The following MYO15A variants were observed in gnomAD, a reference collection of about 807,000 sequenced individuals.
MYO15A encodes unconventional myosin-XV.
MYO15A carries 308 observed loss-of-function variants against 394.6 expected under a neutral mutation model. That is an observed-to-expected ratio of 0.78 (90% CI 0.71 to 0.86). MYO15A has a LOEUF of 0.86. Ranked by LOEUF, MYO15A falls within the 40% of genes least tolerant of loss-of-function variation. The pLI, the probability that MYO15A is intolerant of heterozygous loss-of-function variation, is 0.00. For missense variants in MYO15A, 4,606 were observed against 4,799.1 expected (o/e 0.96, Z 1.19); for synonymous variants, 1,957 against 2,003.8 (o/e 0.98, Z 0.62).
At chr17:18,128,117 C>T (rs924522220) in intron 7 of MYO15A, among the ~76,000 whole-genome samples, 1 of 151,988 alleles carries the variant, frequency 6.6e-6, no homozygotes, top group African/African-American at 2.4e-5. Context: ...CAGCAACCTA[C>T]AGAGAAGACA....
At chr17:18,154,007 A>G in intron 43 of MYO15A, 111 bp downstream of exon 43, 1 of 1,603,464 alleles carries the variant, frequency 6.2e-7, no homozygotes, top group Non-Finnish European at 8.5e-7. Context: ...GGACAGAAAA[A>G]GGCCGGGCTG....
intron 63 of MYO15A, 144 bp from the exon 64 acceptor site, chr17:18,172,013 G>T: frequency 7.0e-7 from 1 of 1,423,064 alleles, no homozygotes. Context: ...CATGAGAAGG[G>T]AGGCCAGAGA....
At chr17:18,112,892 G>C (rs2045739477) in intron 1 of MYO15A, among the ~76,000 whole-genome samples, 1 of 151,440 alleles carries the variant, frequency 6.6e-6, no homozygotes, top group African/African-American at 2.4e-5. Context: ...CTGTCACCTG[G>C]ACCGGAGTGC....
intron 57 of MYO15A, 50 bp downstream of exon 57, chr17:18,161,497 G>A (rs1033971108): frequency 7.5e-6 from 12 of 1,607,908 alleles, no homozygotes; most frequent in African/African-American, 1.3e-5. Flanking sequence ...CTCCCTTGGG[G>A]ACTGGGTGGA....
At chr17:18,138,789 C>G in intron 17 of MYO15A, 22 bp from the exon 18 acceptor site, 1 of 1,613,152 alleles carries the variant, frequency 6.2e-7, no homozygotes, top group Non-Finnish European at 8.5e-7. Context: ...TGCCCACCCA[C>G]TGATCCCTAA....
In MYO15A at chr17:18,118,569, A is replaced by C; in HGVS notation, c.-219-13A>C. On this transcript the variant is annotated splice_polypyrimidine_tract_variant and intron_variant, in intron 1 of 65. Transcript: ENST00000647165. ...GGTAAACAACACCCACACACTTTCTACTACTGCTCTAGGGTGAAACCCAAG... is the reference window on the plus strand; with the variant it reads ...GGTAAACAACACCCACACACTTTCTCCTACTGCTCTAGGGTGAAACCCAAG... 1 of 600,116 alleles carries C rather than the reference A, an allele frequency of 1.7e-6. No individual in the cohort carries two copies. The allele number at this position is 600,116 out of a possible 1,614,324, so 37.2% of individuals were successfully genotyped here.
intron 60 of MYO15A, among the ~76,000 whole-genome samples, chr17:18,165,888 T>A (rs553339495): frequency 3.7e-4 from 57 of 152,250 alleles, no homozygotes; most frequent in African/African-American, 1.3e-3. Context: ...CACCCCCACC[T>A]ATGCCAGGTA....
chr17:18,169,100 C>T (rs1231223489), intron 62 of MYO15A, among the ~76,000 whole-genome samples: 1 of 140,232 alleles, frequency 7.1e-6, no homozygotes, highest in African/African-American at 2.7e-5. Context: ...GTGACAAGAG[C>T]GAAACTCCAT....
At chr17:18,169,141 AT>A (rs2046901312) in intron 62 of MYO15A, among the ~76,000 whole-genome samples, 2 of 137,954 alleles carry the variant, frequency 1.4e-5, no homozygotes, top group Non-Finnish European at 3.1e-5. Flanking sequence ...AATAATAATA[AT>A]AATAATAATA....
intron 62 of MYO15A, among the ~76,000 whole-genome samples, chr17:18,170,983 G>A (rs2046932381): frequency 6.6e-6 from 1 of 152,224 alleles, no homozygotes; most frequent in Non-Finnish European, 1.5e-5. Flanking sequence ...TGTTACCCAG[G>A]GGATCTCTTG....
In MYO15A at chr17:18,173,887, C is replaced by T. The variant is rs876657525; in HGVS notation, c.10457C>T (p.Ala3486Val). Residue 3486 changes from alanine (A) to valine (V), a missense_variant, in exon 65 of 66, where the codon GCG becomes GTG. Around this residue, in one of 2 missense-constraint regions of MYO15A, gnomAD observed 2,776 missense variants for 3,109.3 expected, o/e 0.89. Coordinates refer to ENST00000647165, the MANE Select transcript of MYO15A (RefSeq NM_016239.4). The part of the protein sequence containing the change: ...PYVEIALGDV[A>V]AQRTLQLQLE... ...GTGGAGATTGCGCTGGGGGACGTGGCGGCCCAGCGCACCTTGCAGCTGCAG... is the reference window on the plus strand; with the variant it reads ...GTGGAGATTGCGCTGGGGGACGTGGTGGCCCAGCGCACCTTGCAGCTGCAG... 1.1e-5 allele frequency: 17 copies of T among 1,613,388 alleles called. No homozygotes were observed. The Admixed American group carries it at 1.2e-4, about 11-fold the overall frequency.
chr17:18,144,652 A>C, intron 29 of MYO15A, 60 bp downstream of exon 29: 1 of 1,541,186 alleles, frequency 6.5e-7, no homozygotes, highest in Non-Finnish European at 8.9e-7. Context: ...AAACTGGGCC[A>C]TGAGGCTCCC....
At chr17:18,172,690 G>C (rs1289657676) in intron 64 of MYO15A, 1 of 351,834 alleles carries the variant, frequency 2.8e-6, no homozygotes, top group East Asian at 7.5e-5. Flanking sequence ...GCAGACAGCT[G>C]TCCTCACTGT....
chr17:18,146,999 G>A (rs556774172), intron 30 of MYO15A, among the ~76,000 whole-genome samples: 127 of 152,124 alleles, frequency 8.3e-4, no homozygotes, highest in Non-Finnish European at 1.4e-3. Context: ...ATAAACACAC[G>A]TAAAGTGCTT....
intron 1 of MYO15A, among the ~76,000 whole-genome samples, chr17:18,113,892 C>T (rs1373318328): frequency 6.6e-6 from 1 of 151,666 alleles, no homozygotes; most frequent in African/African-American, 2.4e-5. Context: ...GGCTGATCTG[C>T]AGCCTGCTTC....
At chr17:18,151,317 G>T in intron 39 of MYO15A, 27 bp downstream of exon 39, 1 of 1,614,172 alleles carries the variant, frequency 6.2e-7, no homozygotes, top group Non-Finnish European at 8.5e-7. Flanking sequence ...AGCCTCTGGG[G>T]CTTCCCAGGA....
chr17:18,157,875 C>A lies in MYO15A; in HGVS notation c.8942C>A (p.Ala2981Glu), dbSNP rs749546407. 1 of 1,516,270 alleles carries A rather than the reference C, an allele frequency of 6.6e-7. No homozygotes were observed. The highest frequency in any genetic ancestry group is 1.2e-5 in the South Asian group (1 of 84,528). 93.9% of individuals were successfully genotyped at this position (1,516,270 alleles called of 1,614,324 possible). The change falls in exon 51 of 66, where the codon GCA becomes GAA. Residue 2981 changes from alanine (A) to glutamate (E), a missense_variant. Physicochemically the swap from Ala to Glu is moderately radical, Grantham distance 107 (BLOSUM62 -1). Coordinates refer to ENST00000647165, the MANE Select transcript of MYO15A (RefSeq NM_016239.4). ...VAAAVASAAA[A>E]QEVGRRREGP... The stretch of plus-strand genomic sequence containing the variant: ...GCTGCTGTGGCCTCTGCAGCCGCTG[C>A]ACAGGAGGTGGGCCGCAGGAGAGAG...
Position 18,156,234 on chromosome 17 carries a change from C to T in MYO15A, c.8499C>T (p.Asn2833=), listed in dbSNP as rs773353065. The T allele has an allele frequency of 1.9e-6, 3 of 1,614,192 alleles. No individual in the cohort carries two copies. Among genetic ancestry groups the T allele is most frequent in the African/African-American group, 1.3e-5 (1 of 75,044 alleles). Residue 2833 remains asparagine, a synonymous_variant, in exon 48 of 66, where the codon AAC becomes AAT. Transcript: ENST00000647165. The part of the protein sequence containing the change: ...DILFVTMPSQ[N]MLEFNLASEK... ...TGTTTGTGACCATGCCCTCCCAGAA[C>T]ATGCTGGAGTTCAACCTGGCCAGTG...
At chr17:18,171,564 T>C in intron 62 of MYO15A, 74 bp from the exon 63 acceptor site, 1 of 1,604,302 alleles carries the variant, frequency 6.2e-7, no homozygotes, top group Non-Finnish European at 8.5e-7. Flanking sequence ...CTGCTCTGCA[T>C]GCCTGCTGCA....
Sources: allele counts gnomAD v4.1 joint callset (sites outside exome capture counted in the v4.1 genomes callset), GRCh38; gene constraint gnomAD v4.1.1; regional missense constraint gnomAD v4.1.1; transcripts MANE v1.5; gene names NCBI Gene and HGNC (gene_info 2026-07-23, HGNC 2026-07-21).